SNX18: variants seen among roughly 807,000 people sequenced by gnomAD.
SNX18 encodes the protein sorting nexin-18.
In SNX18, 35 loss-of-function variants were observed where a neutral mutation model predicts 48.7. The ratio of observed to expected loss-of-function variants is 0.72; its 90% CI spans 0.55 to 0.95. SNX18 has a LOEUF of 0.95. Among genes scored for constraint, SNX18 ranks in the 40% least tolerant of loss-of-function variants. The pLI is 0.00. For missense variants in SNX18, 824 were observed against 871.0 expected, an observed-to-expected ratio of 0.95 and a Z score of 0.68; for synonymous variants, 492 against 384.7, an observed-to-expected ratio of 1.28 and a Z score of -3.26.
the SNX18 span, among the ~76,000 whole-genome samples, chr5:54,647,099 C>A: frequency 6.6e-6 from 1 of 152,188 alleles, no homozygotes; most frequent in African/African-American, 2.4e-5. Flanking sequence ...TAATACATGG[C>A]TTGTTTGCAA....
downstream of SNX18, among the ~76,000 whole-genome samples, chr5:54,550,885 T>A (rs891316338): frequency 2.0e-5 from 3 of 149,258 alleles, no homozygotes; most frequent in Non-Finnish European, 3.0e-5. Flanking sequence ...GCGCCTGGCC[T>A]ATGTGTAGAT....
chr5:54,542,242 G>A (rs1034964815), intron 1 of SNX18, among the ~76,000 whole-genome samples: 4 of 152,160 alleles, frequency 2.6e-5, no homozygotes, highest in Admixed American at 6.5e-5. Flanking sequence ...CTGTGCTTTC[G>A]GGGGAGGGCC....
the SNX18 span, among the ~76,000 whole-genome samples, chr5:54,553,812 C>T: frequency 1.3e-5 from 2 of 152,196 alleles, no homozygotes; most frequent in Non-Finnish European, 2.9e-5. Context: ...CCCATAGGGG[C>T]TGCCTCTGAT....
chr5:54,632,653 G>T, the SNX18 span, among the ~76,000 whole-genome samples: 2 of 152,138 alleles, frequency 1.3e-5, no homozygotes, highest in East Asian at 3.9e-4. Context: ...TACCAGCGAG[G>T]TCTGCTCCAG....
chr5:54,591,026 T>C, the SNX18 span, among the ~76,000 whole-genome samples: 12 of 152,260 alleles, frequency 7.9e-5, no homozygotes, highest in East Asian at 2.1e-3. Context: ...TCTCCTTTTT[T>C]CTTCCTTCCC....
At chr5:54,521,103 G>A (rs1245227879) in intron 1 of SNX18, 2 of 152,608 alleles carry the variant, frequency 1.3e-5, no homozygotes, top group African/African-American at 4.8e-5. Context: ...GAGGGATTTA[G>A]CATTTAAATT....
At chr5:54,552,881 G>T in the SNX18 span, among the ~76,000 whole-genome samples, 1 of 152,124 alleles carries the variant, frequency 6.6e-6, no homozygotes, top group Non-Finnish European at 1.5e-5. Context: ...TATGAGGAGT[G>T]AGGAGAATTT....
chr5:54,588,616 C>T, the SNX18 span, among the ~76,000 whole-genome samples: 8 of 152,114 alleles, frequency 5.3e-5, no homozygotes, highest in Non-Finnish European at 1.0e-4. Context: ...CGTGAGCCAC[C>T]GCACCCAGCT....
Position 54,543,468 on chromosome 5 carries a change from A to G in SNX18, c.*36A>G. 1.9e-6 allele frequency: 3 copies of G among 1,600,494 alleles called. No individual in the cohort carries two copies. Among genetic ancestry groups the G allele is most frequent in the Non-Finnish European group, 1.7e-6 (2 of 1,172,470 alleles). ...TTGGATTATGGACTTTTTCAGTTCA[A>G]GGATAATTTCTACAGCAGAATAAAA... On this transcript the variant is annotated 3_prime_UTR_variant, in exon 2 of 2. Coordinates refer to ENST00000381410, the MANE Select transcript of SNX18 (RefSeq NM_001102575.2).
chr5:54,634,746 A>G, the SNX18 span, among the ~76,000 whole-genome samples: 1 of 152,150 alleles, frequency 6.6e-6, no homozygotes, highest in Non-Finnish European at 1.5e-5. Context: ...ATAACATCCC[A>G]AATTAAAAAA....
At chr5:54,624,007 A>C in the SNX18 span, among the ~76,000 whole-genome samples, 99 of 152,184 alleles carry the variant, frequency 6.5e-4, 1 homozygote, top group Non-Finnish European at 2.2e-4. Flanking sequence ...ATTATAAATA[A>C]ATGTAGTTAT....
In SNX18 at chr5:54,517,937, T is replaced by C; in HGVS notation, c.-16T>C. ...GGACGCCGGGAGTCGGGACCGCCAG[T>C]CGGGGCGCCGGGACCATGGCGCTGC... On this transcript the variant is annotated 5_prime_UTR_variant, in exon 1 of 2. Transcript: ENST00000381410. 2 of 1,496,894 alleles carry C rather than the reference T, an allele frequency of 1.3e-6. No homozygotes were observed. Among genetic ancestry groups the C allele is most frequent in the Non-Finnish European group, 1.8e-6 (2 of 1,126,948 alleles). The allele number at this position is 1,496,894 out of a possible 1,614,324, so 92.7% of individuals were successfully genotyped here.
chr5:54,620,673 C>T, the SNX18 span, among the ~76,000 whole-genome samples: 1 of 152,172 alleles, frequency 6.6e-6, no homozygotes, highest in African/African-American at 2.4e-5. Context: ...TTGGCTGGTA[C>T]ATTGGTTGGG....
the SNX18 span, among the ~76,000 whole-genome samples, chr5:54,632,636 C>T: frequency 1.3e-5 from 2 of 152,116 alleles, no homozygotes; most frequent in African/African-American, 4.8e-5. Flanking sequence ...GAGCTGTGGG[C>T]TCCAACTACC....
At chr5:54,573,325 T>C in the SNX18 span, among the ~76,000 whole-genome samples, 5 of 152,094 alleles carry the variant, frequency 3.3e-5, no homozygotes. Flanking sequence ...TAAAACTTGC[T>C]TTTACTTTGC....
the SNX18 span, among the ~76,000 whole-genome samples, chr5:54,629,316 T>C: frequency 6.6e-6 from 1 of 152,224 alleles, no homozygotes; most frequent in Non-Finnish European, 1.5e-5. Context: ...AGCCACCATT[T>C]ACATATGTTA....
the SNX18 span, among the ~76,000 whole-genome samples, chr5:54,641,893 T>A: frequency 1.3e-5 from 2 of 152,074 alleles, no homozygotes; most frequent in Non-Finnish European, 2.9e-5. Context: ...GAGTCAAAAA[T>A]ATTCTCTTCC....
chr5:54,641,989 A>G, the SNX18 span, among the ~76,000 whole-genome samples: 1 of 152,210 alleles, frequency 6.6e-6, no homozygotes, highest in Non-Finnish European at 1.5e-5. Flanking sequence ...AAAATCAGAC[A>G]GTGATTTTAT....
the SNX18 span, among the ~76,000 whole-genome samples, chr5:54,577,254 A>G: frequency 6.6e-6 from 1 of 152,212 alleles, no homozygotes; most frequent in Non-Finnish European, 1.5e-5. Flanking sequence ...GGGAGATGAG[A>G]AAACCCATGT....
Sources: gnomAD v4.1 joint callset for allele counts (sites outside exome capture counted in the v4.1 genomes callset) on GRCh38, gnomAD v4.1.1 for gene constraint, MANE v1.5 for transcripts, NCBI Gene and HGNC (gene_info 2026-07-23, HGNC 2026-07-21) for gene names.